The following FGD4 variants were observed in gnomAD, a reference collection of about 807,000 sequenced individuals.
FGD4 encodes the protein FYVE, RhoGEF and PH domain-containing protein 4.
In FGD4, 42 loss-of-function variants were observed where a neutral mutation model predicts 102.0. The observed-to-expected ratio is 0.41, with a 90% CI of 0.32 to 0.53. The LOEUF (loss-of-function observed/expected upper bound fraction) is 0.53, where lower values mean the gene tolerates loss of function less well. Among genes scored for constraint, FGD4 ranks in the 20% least tolerant of loss-of-function variants. The probability of loss-of-function intolerance (pLI) is 0.21; values close to 1 mark genes in which losing one functional copy is unlikely to be tolerated. For synonymous variants in FGD4, 380 were observed against 375.7 expected, an observed-to-expected ratio of 1.01 and a Z score of -0.13; for missense variants, 902 against 1,078.2, an observed-to-expected ratio of 0.84 and a Z score of 2.29.
At chr12:32,605,087 T>C (rs1445779254) in intron 7 of FGD4, among the ~76,000 whole-genome samples, 2 of 151,996 alleles carry the variant, frequency 1.3e-5, no homozygotes, top group Non-Finnish European at 2.9e-5. Flanking sequence ...TACAGGTACA[T>C]GCCACTACAC....
intron 1 of FGD4, among the ~76,000 whole-genome samples, chr12:32,471,867 G>A (rs1943423226): frequency 6.6e-6 from 1 of 152,178 alleles, no homozygotes; most frequent in Non-Finnish European, 1.5e-5. Flanking sequence ...TGTGTTAATG[G>A]TCAAGGCAGT....
At chr12:32,453,979 T>C (rs963955928) in intron 1 of FGD4, among the ~76,000 whole-genome samples, 1 of 152,168 alleles carries the variant, frequency 6.6e-6, no homozygotes, top group Non-Finnish European at 1.5e-5. Context: ...GTAAGTGGAC[T>C]CTTGCCACCA....
At chr12:32,536,180 A>G (rs1306544039) in intron 1 of FGD4, among the ~76,000 whole-genome samples, 1 of 152,224 alleles carries the variant, frequency 6.6e-6, no homozygotes, top group Non-Finnish European at 1.5e-5. Context: ...ATGATAGAGT[A>G]TGATGAATGA....
At chr12:32,601,514 G>T in intron 6 of FGD4, 91 bp downstream of exon 6, 1 of 1,433,050 alleles carries the variant, frequency 7.0e-7, no homozygotes, top group Non-Finnish European at 9.4e-7. Flanking sequence ...ACACACAACT[G>T]TAACTAGACA....
At chr12:32,624,028 A>G (rs918829914) in intron 11 of FGD4, among the ~76,000 whole-genome samples, 3 of 152,236 alleles carry the variant, frequency 2.0e-5, no homozygotes, top group African/African-American at 7.2e-5. Context: ...GATAATTATT[A>G]TCTCTTCTAA....
At chr12:32,488,842 G>A (rs1943998212) in intron 1 of FGD4, among the ~76,000 whole-genome samples, 1 of 152,170 alleles carries the variant, frequency 6.6e-6, no homozygotes. Context: ...GGGAGGCTGA[G>A]GCAGGAGAAT....
intron 15 of FGD4, among the ~76,000 whole-genome samples, chr12:32,636,932 G>A (rs142100262): frequency 0.033 from 4,923 of 148,022 alleles, 153 homozygotes; most frequent in Admixed American, 0.084. Flanking sequence ...GTGCAGTGGT[G>A]CGATCTCAGC....
chr12:32,621,339 A>C (rs986175544), intron 11 of FGD4, among the ~76,000 whole-genome samples: 17 of 152,200 alleles, frequency 1.1e-4, no homozygotes, highest in Admixed American at 3.9e-4. Context: ...GTTCTAATGC[A>C]TGGCCTGGTA....
intron 10 of FGD4, among the ~76,000 whole-genome samples, chr12:32,616,189 C>T (rs1049639423): frequency 2.6e-5 from 4 of 152,146 alleles, no homozygotes; most frequent in African/African-American, 9.7e-5. Flanking sequence ...AAACTCTGAG[C>T]TCTGGGTCTA....
chr12:32,463,022 A>G (rs549843378), intron 1 of FGD4, among the ~76,000 whole-genome samples: 39 of 152,358 alleles, frequency 2.6e-4, no homozygotes, highest in African/African-American at 9.1e-4. Context: ...CACTTAGAGA[A>G]TACACTTGAT....
intron 1 of FGD4, among the ~76,000 whole-genome samples, chr12:32,456,103 G>C (rs1213785580): frequency 1.3e-5 from 2 of 152,050 alleles, no homozygotes; most frequent in African/African-American, 4.8e-5. Flanking sequence ...TGATGTTTTT[G>C]CTAAAATAGT....
rs868856610 is a variant in FGD4, at chr12:32,466,767, C to A, written c.166+66808C>A. Among the ~76,000 whole-genome samples, 6 of 146,530 alleles carry A rather than the reference C, an allele frequency of 4.1e-5. No homozygotes were observed. In the South Asian group the frequency reaches 8.5e-4, roughly 21 times the overall value. On this transcript the variant is annotated intron_variant, in intron 1 of 16. Transcript: ENST00000534526. ...CTTGTAATCCCAGATACTCGGGAGG[C>A]TGAAACAGGAAAATCACTTGAAGAT...
chr12:32,576,666 G>GCCACC (rs1426375041), intron 3 of FGD4, among the ~76,000 whole-genome samples: 2 of 152,046 alleles, frequency 1.3e-5, no homozygotes, highest in Non-Finnish European at 2.9e-5. Context: ...AGTACTGTAG[G>GCCACC]CCACCAGCTT....
At chr12:32,534,538 C>T in intron 1 of FGD4, 2 of 1,360,016 alleles carry the variant, frequency 1.5e-6, no homozygotes, top group Non-Finnish European at 1.9e-6. Context: ...TTTTTTTCTT[C>T]CCCAGCGTGG....
intron 4 of FGD4, among the ~76,000 whole-genome samples, chr12:32,595,580 T>C (rs1437920894): frequency 1.3e-5 from 2 of 152,208 alleles, no homozygotes; most frequent in Non-Finnish European, 2.9e-5. Flanking sequence ...GAACTTGGAT[T>C]CTTACACTAT....
At chr12:32,599,427 G>T in intron 5 of FGD4, among the ~76,000 whole-genome samples, 1 of 114,792 alleles carries the variant, frequency 8.7e-6, no homozygotes, top group African/African-American at 4.2e-5. Context: ...CCGGGAGGCG[G>T]AGCTTGCAGT....
rs1176908278 is a variant in FGD4, at chr12:32,644,407, T to G, written c.*3874T>G. The G allele has an allele frequency of 6.6e-6, 1 of 152,204 alleles. No homozygotes were observed. Among genetic ancestry groups the G allele is most frequent in the African/African-American group, 2.4e-5 (1 of 41,474 alleles). The allele number at this position is 152,204 out of a possible 1,614,324, so 9.4% of individuals were successfully genotyped here. A position where few individuals can be genotyped will look rare whatever the true frequency, so the allele number is the denominator to read the frequency against. ...CCCTTTCTGTGAATTTATACATGTA[T>G]GTATATATGTAAAAACACTGTTGAT... is the stretch of plus-strand genomic sequence containing the variant. On this transcript the variant is annotated 3_prime_UTR_variant, in exon 17 of 17. Coordinates refer to ENST00000534526, the MANE Select transcript of FGD4 (RefSeq NM_001370298.3).
At chr12:32,537,834 T>A (rs1413455635) in intron 1 of FGD4, among the ~76,000 whole-genome samples, 1 of 152,212 alleles carries the variant, frequency 6.6e-6, no homozygotes, top group African/African-American at 2.4e-5. Flanking sequence ...TAATAGCCTC[T>A]CACCTAATAG....
chr12:32,602,819 C>A (rs1460463420), intron 7 of FGD4, among the ~76,000 whole-genome samples: 1 of 152,066 alleles, frequency 6.6e-6, no homozygotes, highest in Non-Finnish European at 1.5e-5. Context: ...TTCTTTGATA[C>A]AGTTGATATT....
Sources: allele counts gnomAD v4.1 joint callset (sites outside exome capture counted in the v4.1 genomes callset), GRCh38; gene constraint gnomAD v4.1.1; transcripts MANE v1.5; gene names NCBI Gene and HGNC (gene_info 2026-07-23, HGNC 2026-07-21).